Variants in KSR2 observed in about 807,000 individuals in gnomAD.
KSR2 encodes kinase suppressor of ras 2.
A neutral mutation model predicts 107.8 loss-of-function variants in KSR2; 25 were observed. The observed-to-expected ratio is 0.23, with a 90% confidence interval of 0.17 to 0.32. The LOEUF is 0.32. Ranked by LOEUF, KSR2 falls within the 10% of genes least tolerant of loss-of-function variation. The pLI, the probability that KSR2 is intolerant of heterozygous loss-of-function variation, is 1.00. For synonymous variants in KSR2, 480 were observed against 507.0 expected (o/e 0.95, Z 0.71); for missense variants, 887 against 1,268.9 (o/e 0.70, Z 4.57).
intron 7 of KSR2, among the ~76,000 whole-genome samples, chr12:117,570,192 C>T (rs543636551): frequency 2.0e-5 from 3 of 152,178 alleles, no homozygotes; most frequent in Admixed American, 6.5e-5. Flanking sequence ...TCAGTAGAGA[C>T]GGGGTTTCAC....
intron 7 of KSR2, among the ~76,000 whole-genome samples, chr12:117,567,125 A>T (rs1315570086): frequency 3.9e-5 from 6 of 152,244 alleles, no homozygotes; most frequent in African/African-American, 1.4e-4. Context: ...GAAGACAGGC[A>T]GGTAAATAGA....
intron 4 of KSR2, among the ~76,000 whole-genome samples, chr12:117,725,158 C>A (rs967450931): frequency 6.6e-6 from 1 of 151,626 alleles, no homozygotes; most frequent in Non-Finnish European, 1.5e-5. Context: ...CAGAAAGGCA[C>A]GAGAAATAAC....
chr12:117,829,786 G>A (rs1226506894), intron 3 of KSR2, among the ~76,000 whole-genome samples: 1 of 152,216 alleles, frequency 6.6e-6, no homozygotes, highest in Non-Finnish European at 1.5e-5. Flanking sequence ...CTGTGTACCA[G>A]TAAAACTTTA....
At chr12:117,786,303 T>C (rs1398425537) in intron 3 of KSR2, among the ~76,000 whole-genome samples, 3 of 151,666 alleles carry the variant, frequency 2.0e-5, no homozygotes, top group African/African-American at 4.9e-5. Context: ...TTACCCATGA[T>C]ACTAACATAT....
At chr12:117,860,822 A>G (rs1234363911) in intron 1 of KSR2, among the ~76,000 whole-genome samples, 1 of 151,988 alleles carries the variant, frequency 6.6e-6, no homozygotes, top group Non-Finnish European at 1.5e-5. Flanking sequence ...AAGTTCAAGC[A>G]ATTCTCCGGC....
At chr12:117,549,748 AC>A (rs986809923) in intron 9 of KSR2, among the ~76,000 whole-genome samples, 2 of 152,218 alleles carry the variant, frequency 1.3e-5, no homozygotes, top group African/African-American at 4.8e-5. Flanking sequence ...AAGCACAGAA[AC>A]AAAAACATAG....
Position 117,665,379 on chromosome 12 carries a change from A to G in KSR2, c.1171+2095T>C, listed in dbSNP as rs148986183. Among the ~76,000 whole-genome samples the G allele has an allele frequency of 8.7e-4, 133 of 152,288 alleles. 1 individual carries two copies. Among genetic ancestry groups the G allele is most frequent in the African/African-American group, 3.0e-3 (125 of 41,568 alleles). On this transcript the variant is annotated intron_variant, in intron 5 of 19. Transcript: ENST00000339824. ...TTGTTGTCTTTTTTTTTAAAGCAGG[A>G]AGGAGATGTTTTTACTCTGGCCAAA...
At chr12:117,569,677 C>T (rs1878751149) in intron 7 of KSR2, among the ~76,000 whole-genome samples, 1 of 152,156 alleles carries the variant, frequency 6.6e-6, no homozygotes, top group South Asian at 2.1e-4. Flanking sequence ...TTTCTAGGCA[C>T]TTGGGAATCT....
At chr12:117,818,743 G>A (rs1891461766) in intron 3 of KSR2, among the ~76,000 whole-genome samples, 2 of 152,210 alleles carry the variant, frequency 1.3e-5, no homozygotes, top group Non-Finnish European at 2.9e-5. Flanking sequence ...TGCATGATTA[G>A]GCAAATGTCC....
chr12:117,961,416 A>G (rs1292015742), intron 1 of KSR2, among the ~76,000 whole-genome samples: 4 of 152,160 alleles, frequency 2.6e-5, no homozygotes, highest in African/African-American at 7.2e-5. Flanking sequence ...TTAATACACT[A>G]ACTTTGCAGC....
intron 9 of KSR2, among the ~76,000 whole-genome samples, chr12:117,540,767 G>C (rs955767955): frequency 6.6e-6 from 1 of 152,206 alleles, no homozygotes; most frequent in Non-Finnish European, 1.5e-5. Context: ...GAGAGGCATG[G>C]AACAGATTGT....
At chr12:117,930,325 C>T (rs1314882565) in intron 1 of KSR2, among the ~76,000 whole-genome samples, 1 of 152,136 alleles carries the variant, frequency 6.6e-6, no homozygotes, top group African/African-American at 2.4e-5. Context: ...TGAGCCACCG[C>T]ACCCAGCCAA....
chr12:117,478,775 A>G (rs551633625), intron 16 of KSR2, among the ~76,000 whole-genome samples: 2 of 152,318 alleles, frequency 1.3e-5, no homozygotes, highest in African/African-American at 2.4e-5. Flanking sequence ...CATTTTAATT[A>G]AAGTTAAATT....
Position 117,656,981 on chromosome 12 carries a change from G to GAGATATATATATAATAGGATATATAT in KSR2, c.1171+10492_1171+10493insATATATATCCTATTATATATATATCT, listed in dbSNP as rs1254292550. The stretch of plus-strand genomic sequence containing the variant: ...ATAATAGGATATATATATATAATAG[G>GAGATATATATATAATAGGATATATAT]ATATATATATATATATATATATATA... On this transcript the variant is annotated intron_variant, in intron 5 of 19. Coordinates refer to ENST00000339824, the MANE Select transcript of KSR2 (RefSeq NM_173598.6). Among the ~76,000 whole-genome samples the GAGATATATATATAATAGGATATATAT allele has an allele frequency of 1.0e-3, 102 of 98,166 alleles. 1 individual carries two copies. Among genetic ancestry groups the GAGATATATATATAATAGGATATATAT allele is most frequent in the East Asian group, 4.0e-3 (13 of 3,238 alleles). The allele number at this position is 98,166 out of a possible 152,430, so 64.4% of individuals were successfully genotyped here.
At chr12:117,628,949 C>T (rs1325732016) in intron 5 of KSR2, among the ~76,000 whole-genome samples, 2 of 152,236 alleles carry the variant, frequency 1.3e-5, no homozygotes, top group Non-Finnish European at 2.9e-5. Context: ...TCTGGCAGAT[C>T]GATCTCGGAC....
At chr12:117,774,170 C>CA (rs1222670579) in intron 3 of KSR2, among the ~76,000 whole-genome samples, 2 of 152,156 alleles carry the variant, frequency 1.3e-5, no homozygotes, top group African/African-American at 4.8e-5. Context: ...TGTGGGTCAG[C>CA]ACCTGGGGCA....
chr12:117,699,442 A>G (rs1422828989), intron 4 of KSR2, among the ~76,000 whole-genome samples: 1 of 152,236 alleles, frequency 6.6e-6, no homozygotes, highest in Non-Finnish European at 1.5e-5. Context: ...ATGTACTTAT[A>G]CAAATCTAGG....
At chr12:117,773,027 C>T (rs1201284923) in intron 3 of KSR2, among the ~76,000 whole-genome samples, 1 of 152,192 alleles carries the variant, frequency 6.6e-6, no homozygotes, top group Non-Finnish European at 1.5e-5. Context: ...TCCAAATTAC[C>T]GGCTTCTAAA....
intron 4 of KSR2, among the ~76,000 whole-genome samples, chr12:117,670,336 G>A (rs534237253): frequency 3.3e-5 from 5 of 152,288 alleles, no homozygotes; most frequent in East Asian, 1.9e-4. Context: ...TCACTTAAGC[G>A]CCATGGTAAC....
Sources: allele counts gnomAD v4.1 joint callset (sites outside exome capture counted in the v4.1 genomes callset), GRCh38; gene constraint gnomAD v4.1.1; transcripts MANE v1.5; gene names NCBI Gene and HGNC (gene_info 2026-07-23, HGNC 2026-07-21).